Variants in ITPK1 observed in about 807,000 individuals in gnomAD.
The protein encoded by ITPK1 is inositol-tetrakisphosphate 1-kinase.
A neutral mutation model predicts 45.3 loss-of-function variants in ITPK1; 21 were observed. The observed-to-expected ratio is 0.46, with a 90% CI of 0.33 to 0.67. The LOEUF is 0.67. ITPK1 is among the 30% of genes least tolerant of loss of function. The probability of loss-of-function intolerance (pLI) is 0.02; values close to 1 mark genes in which losing one functional copy is unlikely to be tolerated. For synonymous variants in ITPK1, 258 were observed against 253.6 expected (o/e 1.02, Z -0.16); for missense variants, 474 against 573.5 (o/e 0.83, Z 1.77).
rs377453893 is a variant in ITPK1, at chr14:93,033,774, G to A, written c.121-16973C>T. 1.2e-4 allele frequency among the ~76,000 whole-genome samples: 18 copies of A among 152,320 alleles called. 1 individual carries two copies. Among genetic ancestry groups the A allele is most frequent in the African/African-American group, 3.1e-4 (13 of 41,564 alleles). Reference sequence around the variant, plus strand: ...GGGAGGGTTTCTCCTGGAAGAGAACGGAGTGTGTGAATGTGCGTGCCTGTG... The same window carrying A: ...GGGAGGGTTTCTCCTGGAAGAGAACAGAGTGTGTGAATGTGCGTGCCTGTG... On this transcript the variant is annotated intron_variant, in intron 3 of 10. Transcript: ENST00000267615.
chr14:93,021,952 T>C (rs1888490391), intron 3 of ITPK1, among the ~76,000 whole-genome samples: 1 of 152,180 alleles, frequency 6.6e-6, no homozygotes, highest in Admixed American at 6.5e-5. Flanking sequence ...GGCAAACTCG[T>C]GAAGGCATAA....
chr14:92,943,994 C>T (rs997573672), intron 10 of ITPK1, among the ~76,000 whole-genome samples: 6 of 152,370 alleles, frequency 3.9e-5, no homozygotes, highest in Admixed American at 3.3e-4. Context: ...ACTCAACCCC[C>T]AGCCTCACAT....
chr14:92,960,071 C>T (rs913054510), intron 7 of ITPK1, among the ~76,000 whole-genome samples: 6 of 152,244 alleles, frequency 3.9e-5, no homozygotes, highest in East Asian at 1.9e-4. Flanking sequence ...CCAGAGGGCA[C>T]GTCCCTGCAA....
intron 3 of ITPK1, among the ~76,000 whole-genome samples, chr14:93,047,237 G>T (rs1783072579): frequency 6.6e-6 from 1 of 152,198 alleles, no homozygotes; most frequent in Non-Finnish European, 1.5e-5. Context: ...ACTCCAGGGG[G>T]TTGACCCACA....
chr14:92,987,353 C>A (rs1886539985), intron 5 of ITPK1, among the ~76,000 whole-genome samples: 1 of 152,176 alleles, frequency 6.6e-6, no homozygotes, highest in Admixed American at 6.5e-5. Flanking sequence ...CTCCCTGAGG[C>A]CCTGTCCTGC....
Position 93,089,669 on chromosome 14 carries a change from G to A in ITPK1, c.96-13050C>T, listed in dbSNP as rs553428565. On this transcript the variant is annotated intron_variant, in intron 2 of 10. Coordinates refer to ENST00000267615, the MANE Select transcript of ITPK1 (RefSeq NM_014216.6). ...AGAATGGTATGTCAGCTGGGTCTCT[G>A]GAGGAGGTGAGAATGAGCCTGGGGC... Among the ~76,000 whole-genome samples, 23 of 152,310 alleles carry A rather than the reference G, an allele frequency of 1.5e-4. No homozygotes were observed. The South Asian group carries it at 4.8e-3, about 32-fold the overall frequency.
At chr14:93,057,082 C>T (rs974022440) in intron 3 of ITPK1, among the ~76,000 whole-genome samples, 1 of 152,128 alleles carries the variant, frequency 6.6e-6, no homozygotes, top group Non-Finnish European at 1.5e-5. Context: ...AAATGCCACC[C>T]GGGAGACCAT....
At chr14:93,111,237 A>C (rs1892741730) in intron 2 of ITPK1, among the ~76,000 whole-genome samples, 1 of 152,222 alleles carries the variant, frequency 6.6e-6, no homozygotes, top group South Asian at 2.1e-4. Flanking sequence ...CACAGAAAGA[A>C]TGGGACAGAG....
At position 93,115,097 on chromosome 14, in the gene ITPK1, T is replaced by G. The variant is rs1312123924; in HGVS notation, c.67A>C (p.Asn23His). 6.2e-7 allele frequency: 1 copy of G among 1,601,322 alleles called. No individual in the cohort carries two copies. Among genetic ancestry groups the G allele is most frequent in the Admixed American group, 1.7e-5 (1 of 58,836 alleles). ...CACAGCTCGGCGAAGGCCTGGAAAT[T>G]CAGCTTCTTGATTTTCTTCTCGCTC... The part of the protein sequence containing the change: ...WLSEKKIKKL[N>H]FQAFAELCRK... The change falls in exon 2 of 11, where the codon AAT becomes CAT. Residue 23 changes from asparagine to histidine, a missense_variant. Around this residue, in one of 2 missense-constraint regions of ITPK1, gnomAD observed 367 missense variants for 480.6 expected, o/e 0.76. Coordinates refer to ENST00000267615, the MANE Select transcript of ITPK1 (RefSeq NM_014216.6).
Position 92,940,669 on chromosome 14 carries a change from C to T in ITPK1, c.*892G>A. The T allele has an allele frequency of 1.6e-6, 2 of 1,269,516 alleles. No individual in the cohort carries two copies. Among genetic ancestry groups the T allele is most frequent in the Non-Finnish European group, 2.0e-6 (2 of 979,250 alleles). 78.6% of individuals were successfully genotyped at this position (1,269,516 alleles called of 1,614,324 possible). ...AGGCTGCATCCCAGGGGTTAGGGCA[C>T]AAAGCCAGCCCTGTGGTGCTCTCTG... On this transcript the variant is annotated 3_prime_UTR_variant, in exon 11 of 11. Transcript: ENST00000267615.
In ITPK1 at chr14:93,075,350, AAAAAAAAAAAAG is replaced by A. The variant is rs1476869712; in HGVS notation, c.120+1233_120+1244del. Among the ~76,000 whole-genome samples, 849 of 143,180 alleles carry A rather than the reference AAAAAAAAAAAAG, an allele frequency of 5.9e-3. 15 individuals are homozygous for A. Among genetic ancestry groups the A allele is most frequent in the African/African-American group, 0.021 (803 of 38,168 alleles). 93.9% of individuals were successfully genotyped at this position (143,180 alleles called of 152,430 possible). On this transcript the variant is annotated intron_variant, in intron 3 of 10. Transcript: ENST00000267615. ...TCAAAAAAAAAAAAAAAAAAAAAAA[AAAAAAAAAAAAG>A]GAAGAGAAAAAAGAAAAATCTAGTG...
intron 5 of ITPK1, among the ~76,000 whole-genome samples, chr14:92,968,464 C>T (rs1566704116): frequency 1.3e-5 from 2 of 152,200 alleles, no homozygotes; most frequent in Admixed American, 1.3e-4. Flanking sequence ...AAATGCTTCA[C>T]AACCACGGTC....
In ITPK1 at chr14:92,952,125, G is replaced by A. The variant is rs373131187; in HGVS notation, c.671-112C>T. The A allele has an allele frequency of 4.5e-4, 383 of 849,470 alleles. 2 individuals are homozygous for A. The African/African-American group carries it at 5.8e-3, about 13-fold the overall frequency. 52.6% of individuals were successfully genotyped at this position (849,470 alleles called of 1,614,324 possible). The stretch of plus-strand genomic sequence containing the variant: ...CCCAGGCACACAACACGTGGCCCCC[G>A]GCTCTGCAGAGCCCTGGGCTCCAGC... On this transcript the variant is annotated intron_variant, in intron 8 of 10. Coordinates refer to ENST00000267615, the MANE Select transcript of ITPK1 (RefSeq NM_014216.6).
At chr14:93,019,712 A>G (rs1239377345) in intron 3 of ITPK1, among the ~76,000 whole-genome samples, 1 of 152,110 alleles carries the variant, frequency 6.6e-6, no homozygotes, top group Admixed American at 6.5e-5. Flanking sequence ...TCCACTAGCT[A>G]GAAAAGAGAT....
chr14:93,028,065 T>C (rs956637531), intron 3 of ITPK1, among the ~76,000 whole-genome samples: 1 of 152,182 alleles, frequency 6.6e-6, no homozygotes, highest in African/African-American at 2.4e-5. Flanking sequence ...GAGGCTGCTC[T>C]CCCACAGCCA....
chr14:93,111,846 C>T (rs941805046), intron 2 of ITPK1, among the ~76,000 whole-genome samples: 1 of 151,890 alleles, frequency 6.6e-6, no homozygotes, highest in Non-Finnish European at 1.5e-5. Context: ...GGGGAAGAAA[C>T]AGGATGGCAA....
rs1456900753 is a variant in ITPK1 at position 92,938,534 on chromosome 14, CAG to C, written c.*3025_*3026del. ...AGCACACTTGGCAGTCCCCTGGGTACAGAGAGGAATGTTTTTCCCAGGTTGCT... is the reference window on the plus strand; with the variant it reads ...AGCACACTTGGCAGTCCCCTGGGTACAGAGGAATGTTTTTCCCAGGTTGCT... On this transcript the variant is annotated 3_prime_UTR_variant, in exon 11 of 11. Transcript: ENST00000267615. The C allele has an allele frequency of 1.2e-6, 2 of 1,611,314 alleles. No homozygotes were observed. Among genetic ancestry groups the C allele is most frequent in the East Asian group, 4.5e-5 (2 of 44,880 alleles).
chr14:93,028,761 CA>C (rs1888880538), intron 3 of ITPK1, among the ~76,000 whole-genome samples: 1 of 152,236 alleles, frequency 6.6e-6, no homozygotes, highest in South Asian at 2.1e-4. Flanking sequence ...TAACGCCAAA[CA>C]GTAACCGCCT....
chr14:93,069,380 C>T, intron 3 of ITPK1: 1 of 154,670 alleles, frequency 6.5e-6, no homozygotes, highest in Non-Finnish European at 1.5e-5. Context: ...AAGCCTGGGG[C>T]TGTAGCCTTT....
Sources: gnomAD v4.1 joint callset for allele counts (sites outside exome capture counted in the v4.1 genomes callset) on GRCh38, gnomAD v4.1.1 for gene constraint, gnomAD v4.1.1 regional missense constraint, MANE v1.5 for transcripts, NCBI Gene and HGNC (gene_info 2026-07-23, HGNC 2026-07-21) for gene names.